ANO6: variants seen among roughly 807,000 people sequenced by gnomAD.
ANO6 encodes the protein anoctamin 6.
A neutral mutation model predicts 117.5 loss-of-function variants in ANO6; 106 were observed. The ratio of observed to expected loss-of-function variants is 0.90; its 90% confidence interval spans 0.77 to 1.06. The LOEUF is 1.06. Among genes scored for constraint, ANO6 ranks in the 50% least tolerant of loss-of-function variants. ANO6 has a pLI of 0.00. For synonymous variants in ANO6, 367 were observed against 385.1 expected (o/e 0.95, Z 0.55); for missense variants, 955 against 1,121.1 (o/e 0.85, Z 2.12).
At chr12:45,247,185 C>G (rs930967236) in intron 1 of ANO6, among the ~76,000 whole-genome samples, 4 of 152,148 alleles carry the variant, frequency 2.6e-5, no homozygotes, top group Non-Finnish European at 5.9e-5. Flanking sequence ...CTCAGCCTCC[C>G]AAAAGTGCTG....
intron 1 of ANO6, among the ~76,000 whole-genome samples, chr12:45,258,383 G>T (rs537428993): frequency 6.6e-6 from 1 of 152,264 alleles, no homozygotes; most frequent in Admixed American, 6.5e-5. Context: ...TTGTGAGTTT[G>T]TCGTCTTCTT....
At chr12:45,356,390 C>G (rs1941412113) in intron 7 of ANO6, among the ~76,000 whole-genome samples, 1 of 151,994 alleles carries the variant, frequency 6.6e-6, no homozygotes, top group South Asian at 2.1e-4. Flanking sequence ...GCAGTGACAC[C>G]CGCACACACA....
At chr12:45,239,914 A>T (rs759454537) in intron 1 of ANO6, among the ~76,000 whole-genome samples, 1 of 152,164 alleles carries the variant, frequency 6.6e-6, no homozygotes, top group Non-Finnish European at 1.5e-5. Context: ...CTGTTCTTCT[A>T]CATTTGCTGA....
intron 1 of ANO6, among the ~76,000 whole-genome samples, chr12:45,297,863 T>G (rs1565672168): frequency 6.6e-6 from 1 of 152,186 alleles, no homozygotes; most frequent in Non-Finnish European, 1.5e-5. Context: ...ATAGTATTCT[T>G]ACAGTACTCC....
intron 1 of ANO6, among the ~76,000 whole-genome samples, chr12:45,231,253 C>T (rs1419501778): frequency 6.6e-6 from 1 of 152,046 alleles, no homozygotes; most frequent in African/African-American, 2.4e-5. Context: ...CAAGTTATTA[C>T]CCTGGTAGTT....
chr12:45,423,872 C>A (rs1390010390), intron 19 of ANO6, among the ~76,000 whole-genome samples: 6 of 152,192 alleles, frequency 3.9e-5, no homozygotes, highest in Admixed American at 3.9e-4. Context: ...CAGTGGACTT[C>A]CACCTACATC....
rs559861785 is a variant in ANO6 at position 45,374,472 on chromosome 12, A to T, written c.1105-3581A>T. 1.0e-4 allele frequency among the ~76,000 whole-genome samples: 10 copies of T among 96,762 alleles called. No homozygotes were observed. In the South Asian group the frequency reaches 4.3e-3, roughly 41 times the overall value. The allele number at this position is 96,762 out of a possible 152,430, so 63.5% of individuals were successfully genotyped here. On this transcript the variant is annotated intron_variant, in intron 9 of 19. Coordinates refer to ENST00000320560, the MANE Select transcript of ANO6 (RefSeq NM_001025356.3). ...ATCCTCAATAAAATACTGGCAAACCAAATCCAGCAGCACATCAAAAAGCTT... is the reference window on the plus strand; with the variant it reads ...ATCCTCAATAAAATACTGGCAAACCTAATCCAGCAGCACATCAAAAAGCTT...
chr12:45,224,912 C>T (rs938431009), intron 1 of ANO6, among the ~76,000 whole-genome samples: 17 of 152,048 alleles, frequency 1.1e-4, no homozygotes, highest in African/African-American at 3.1e-4. Context: ...AATAAAGGGC[C>T]GGACATGATG....
chr12:45,383,409 C>A (rs1487730876), intron 10 of ANO6: 2 of 152,358 alleles, frequency 1.3e-5, no homozygotes, highest in African/African-American at 4.8e-5. Context: ...TCACCTCCTC[C>A]CATGAATTAT....
intron 1 of ANO6, among the ~76,000 whole-genome samples, chr12:45,225,337 G>A (rs1947465286): frequency 1.3e-5 from 2 of 152,114 alleles, no homozygotes; most frequent in Non-Finnish European, 1.5e-5. Flanking sequence ...TTTACTTGGT[G>A]TGTATTTTGT....
At chr12:45,399,641 A>G (rs753107620) in intron 12 of ANO6, among the ~76,000 whole-genome samples, 2 of 152,048 alleles carry the variant, frequency 1.3e-5, no homozygotes, top group South Asian at 4.2e-4. Flanking sequence ...GGGATGTTAC[A>G]TGTTTGTCTC....
At chr12:45,254,082 G>T (rs1184337228) in intron 1 of ANO6, among the ~76,000 whole-genome samples, 1 of 152,126 alleles carries the variant, frequency 6.6e-6, no homozygotes, top group Non-Finnish European at 1.5e-5. Flanking sequence ...CAGAAGAATC[G>T]CTTGAACCCG....
intron 12 of ANO6, among the ~76,000 whole-genome samples, chr12:45,392,154 G>A (rs1015712218): frequency 6.6e-6 from 1 of 152,210 alleles, no homozygotes; most frequent in African/African-American, 2.4e-5. Flanking sequence ...CCCAAATACT[G>A]CACTTTTCCC....
At chr12:45,251,715 G>T (rs1468408735) in intron 1 of ANO6, among the ~76,000 whole-genome samples, 1 of 152,144 alleles carries the variant, frequency 6.6e-6, no homozygotes, top group Non-Finnish European at 1.5e-5. Flanking sequence ...TCAGGGGGAG[G>T]GGCCGTAGCC....
intron 1 of ANO6, among the ~76,000 whole-genome samples, chr12:45,259,517 G>A (rs1937950081): frequency 6.6e-6 from 1 of 152,218 alleles, no homozygotes; most frequent in Non-Finnish European, 1.5e-5. Context: ...AGCTGCAATT[G>A]GCAGGGATGC....
chr12:45,216,532 G>C, intron 1 of ANO6, 141 bp downstream of exon 1: 2 of 921,620 alleles, frequency 2.2e-6, no homozygotes, highest in Admixed American at 2.7e-5. Flanking sequence ...GAGGAAGCCC[G>C]CTGTCCCCGG....
Position 45,280,375 on chromosome 12 carries a change from C to G in ANO6, c.71-21639C>G, listed in dbSNP as rs116281793. On this transcript the variant is annotated intron_variant, in intron 1 of 19. Coordinates refer to ENST00000320560, the MANE Select transcript of ANO6 (RefSeq NM_001025356.3). ...TGAGGAGAAAATGTGGTTGTGAGATCAGTGACCCTGTGGCCTACAGACCAA... is the reference window on the plus strand; with the variant it reads ...TGAGGAGAAAATGTGGTTGTGAGATGAGTGACCCTGTGGCCTACAGACCAA... 7.3e-3 allele frequency among the ~76,000 whole-genome samples: 1,107 copies of G among 152,258 alleles called. 7 individuals carry two copies. Among genetic ancestry groups the G allele is most frequent in the African/African-American group, 0.023 (958 of 41,526 alleles).
At chr12:45,399,290 C>T (rs566171913) in intron 12 of ANO6, among the ~76,000 whole-genome samples, 5 of 152,208 alleles carry the variant, frequency 3.3e-5, no homozygotes, top group Non-Finnish European at 5.9e-5. Context: ...CCGCCTCCCG[C>T]GTTCAAGTGA....
At chr12:45,319,388 C>T (rs1387705635) in intron 2 of ANO6, among the ~76,000 whole-genome samples, 3 of 152,200 alleles carry the variant, frequency 2.0e-5, no homozygotes, top group Non-Finnish European at 4.4e-5. Context: ...TGGTTTTTGT[C>T]TTTGGTTCTG....
Sources: allele counts gnomAD v4.1 joint callset (sites outside exome capture counted in the v4.1 genomes callset), GRCh38; gene constraint gnomAD v4.1.1; transcripts MANE v1.5; gene names NCBI Gene and HGNC (gene_info 2026-07-23, HGNC 2026-07-21).